The following ZNF582 variants were observed in gnomAD, a reference collection of about 807,000 sequenced individuals.
ZNF582 encodes the protein zinc finger protein 582.
A neutral mutation model predicts 12.3 loss-of-function variants in ZNF582; 14 were observed. That is an observed-to-expected ratio of 1.14 (90% confidence interval 0.75 to 1.78). ZNF582 has a LOEUF of 1.78. Ranked by LOEUF, ZNF582 falls within the 40% of genes most tolerant of loss-of-function variation. The pLI, the probability that ZNF582 is intolerant of heterozygous loss-of-function variation, is 0.00. For missense variants in ZNF582, 567 were observed against 616.5 expected, an observed-to-expected ratio of 0.92 and a Z score of 0.85; for synonymous variants, 210 against 207.2, an observed-to-expected ratio of 1.01 and a Z score of -0.11.
At chr19:56,392,337 A>G (rs1049255176) in intron 1 of ZNF582, among the ~76,000 whole-genome samples, 2 of 152,254 alleles carry the variant, frequency 1.3e-5, no homozygotes, top group African/African-American at 2.4e-5. Flanking sequence ...GGCTTTGTGC[A>G]TGCCACTTCA....
exon 1 of ZNF582, chr19:56,393,305 G>C: frequency 1.7e-6 from 2 of 1,211,706 alleles, no homozygotes; most frequent in South Asian, 2.7e-5. Context: ...GGCGGGAAAT[G>C]TAGTCTCACG....
At chr19:56,384,546 C>T in exon 5 of ZNF582, 1 of 1,613,970 alleles carries the variant, frequency 6.2e-7, no homozygotes, top group Non-Finnish European at 8.5e-7. Flanking sequence ...CGATTGAAGG[C>T]CTTGCCACAT....
exon 5 of ZNF582, chr19:56,383,585 T>C (rs2041936146): frequency 7.2e-6 from 2 of 277,876 alleles, no homozygotes; most frequent in East Asian, 1.2e-4. Flanking sequence ...GGCTGTTTTT[T>C]TAACTTGTAA....
exon 5 of ZNF582, chr19:56,383,710 A>G (rs2041937252): frequency 1.2e-6 from 1 of 851,410 alleles, no homozygotes. Context: ...TTTGACAATT[A>G]TGATCTGAAC....
intron 4 of ZNF582, 118 bp from the exon 5 acceptor site, chr19:56,385,302 A>G: frequency 1.9e-6 from 2 of 1,041,824 alleles, no homozygotes; most frequent in South Asian, 1.8e-5. Flanking sequence ...TAGCTAAGCA[A>G]TTATAAAATG....
At chr19:56,389,590 G>A (rs1438546023) in intron 4 of ZNF582, among the ~76,000 whole-genome samples, 1 of 151,966 alleles carries the variant, frequency 6.6e-6, no homozygotes, top group Admixed American at 6.6e-5. Flanking sequence ...TAATACCTGG[G>A]TGATGAAATA....
chr19:56,391,796 C>A lies in ZNF582; in HGVS notation c.-44G>T. 3 of 1,614,154 alleles carry A rather than the reference C, an allele frequency of 1.9e-6. No individual in the cohort carries two copies. Among genetic ancestry groups the A allele is most frequent in the Non-Finnish European group, 2.5e-6 (3 of 1,180,026 alleles). ...GGCTGATAGGTCCTCCTTCTGGTTC[C>A]TCTCTTGGGGAAGGGCAGAGTCCTG... is the stretch of plus-strand genomic sequence containing the variant. On this transcript the variant is annotated 5_prime_UTR_variant, in exon 2 of 5. In the 5' UTR this introduces an upstream ATG that the reference lacks. Coordinates refer to ENST00000586929, the Ensembl canonical transcript of ZNF582.
chr19:56,387,227 C>T (rs776963558), intron 4 of ZNF582, among the ~76,000 whole-genome samples: 2 of 152,148 alleles, frequency 1.3e-5, no homozygotes, highest in South Asian at 2.1e-4. Flanking sequence ...TTCTATGTTA[C>T]GTATTTCTAT....
At chr19:56,390,145 G>C (rs1204285851) in intron 3 of ZNF582, 49 bp from the exon 4 acceptor site, 12 of 1,558,406 alleles carry the variant, frequency 7.7e-6, no homozygotes, top group Non-Finnish European at 1.1e-5. Flanking sequence ...GGGGGCCCCA[G>C]AATTCAGATC....
chr19:56,388,068 C>T (rs55781327), intron 4 of ZNF582, among the ~76,000 whole-genome samples: 16,259 of 149,962 alleles, frequency 0.11, 1,148 homozygotes, highest in East Asian at 0.31. Flanking sequence ...GTGTGGACTT[C>T]TTCTGTATTT....
exon 5 of ZNF582, chr19:56,385,030 G>A: frequency 6.2e-7 from 1 of 1,614,116 alleles, no homozygotes; most frequent in South Asian, 1.1e-5. Context: ...CCTGTTGTCT[G>A]TCAAACTGGT....
intron 2 of ZNF582, 55 bp downstream of exon 2, chr19:56,391,689 A>T: frequency 6.5e-7 from 1 of 1,537,040 alleles, no homozygotes; most frequent in Middle Eastern, 1.7e-4. Context: ...GATGGAACCC[A>T]GGTGGAAAGT....
At chr19:56,387,138 G>C (rs562754607) in intron 4 of ZNF582, among the ~76,000 whole-genome samples, 1 of 152,286 alleles carries the variant, frequency 6.6e-6, no homozygotes, top group Non-Finnish European at 1.5e-5. Flanking sequence ...GCTGTATTTT[G>C]TGCAGTAGCT....
Position 56,390,591 on chromosome 19 carries a change from G to T in ZNF582, c.10-90C>A, listed in dbSNP as rs913435919. 6.3e-6 allele frequency: 9 copies of T among 1,437,430 alleles called. No homozygotes were observed. In the African/African-American group the frequency reaches 9.8e-5, roughly 16 times the overall value. 89.0% of individuals were successfully genotyped at this position (1,437,430 alleles called of 1,614,324 possible). A position where few individuals can be genotyped will look rare whatever the true frequency, so the allele number is the denominator to read the frequency against. ...GGGGCAGGTCTTTGCGGGAGGGGGG[G>T]TTGTTTTGTTGAACAAGAAGGGTGG... On this transcript the variant is annotated intron_variant, in intron 2 of 4. Coordinates refer to ENST00000586929, the Ensembl canonical transcript of ZNF582.
intron 2 of ZNF582, among the ~76,000 whole-genome samples, 172 bp downstream of exon 2, chr19:56,391,572 G>A (rs1310372968): frequency 6.6e-6 from 1 of 152,226 alleles, no homozygotes; most frequent in Non-Finnish European, 1.5e-5. Flanking sequence ...ATGCTATAGA[G>A]AATAAATCTG....
exon 5 of ZNF582, chr19:56,383,885 T>C: frequency 6.3e-7 from 1 of 1,585,616 alleles, no homozygotes; most frequent in Non-Finnish European, 8.6e-7. Context: ...GCTTTCCCCA[T>C]TACTTCCATT....
intron 4 of ZNF582, chr19:56,388,500 T>C (rs946923317): frequency 1.3e-5 from 2 of 152,340 alleles, no homozygotes; most frequent in Admixed American, 6.5e-5. Context: ...GGTGAATAAT[T>C]TGTGAGAAGC....
intron 1 of ZNF582, among the ~76,000 whole-genome samples, chr19:56,392,798 A>G (rs1023995087): frequency 6.6e-6 from 1 of 152,278 alleles, no homozygotes; most frequent in African/African-American, 2.4e-5. Context: ...ACTGTTAAAC[A>G]AGAAGTACTC....
chr19:56,385,218 C>CT (rs35971666), intron 4 of ZNF582, 34 bp from the exon 5 acceptor site: 75,759 of 1,488,810 alleles, frequency 0.051, 806 homozygotes, highest in Middle Eastern at 0.075. Flanking sequence ...TGTTTGGCTT[C>CT]TTTTTTTTTC....
Sources: gnomAD v4.1 joint callset for allele counts (sites outside exome capture counted in the v4.1 genomes callset) on GRCh38, gnomAD v4.1.1 for gene constraint, MANE v1.5 for transcripts, NCBI Gene and HGNC (gene_info 2026-07-23, HGNC 2026-07-21) for gene names.